The following RIN3 variants were observed in gnomAD, a reference collection of about 807,000 sequenced individuals.
The protein encoded by RIN3 is Ras and Rab interactor 3.
Under a neutral mutation model 76.3 loss-of-function variants are expected in RIN3, and 54 were observed. That is an observed-to-expected ratio of 0.71 (90% CI 0.57 to 0.89). The LOEUF (loss-of-function observed/expected upper bound fraction) is 0.89. Among genes scored for constraint, RIN3 ranks in the 40% least tolerant of loss-of-function variants. RIN3 has a pLI of 0.00. For missense variants in RIN3, 1,256 were observed against 1,322.1 expected (o/e 0.95, Z 0.78); for synonymous variants, 576 against 564.0 (o/e 1.02, Z -0.30).
chr14:92,635,315 T>A (rs1886735824), intron 4 of RIN3, among the ~76,000 whole-genome samples: 1 of 152,196 alleles, frequency 6.6e-6, no homozygotes, highest in Non-Finnish European at 1.5e-5. Context: ...CATGAGGACA[T>A]AATGAAGCTG....
In RIN3 at chr14:92,555,968, G is replaced by A. The variant is rs181769429; in HGVS notation, c.249+13G>A. 80 of 1,605,460 alleles carry A rather than the reference G, an allele frequency of 5.0e-5. 2 individuals carry two copies. In the East Asian group the frequency reaches 8.3e-4, roughly 17 times the overall value. ...GGTGGTGGCTGGGGTGAGTGGGGGC[G>A]TCTCCCACTTGGTAGGCACACACAC... On this transcript the variant is annotated intron_variant, in intron 2 of 9. Coordinates refer to ENST00000216487, the MANE Select transcript of RIN3 (RefSeq NM_024832.5).
chr14:92,684,522 A>G (rs1233977728), intron 8 of RIN3, among the ~76,000 whole-genome samples: 1 of 152,144 alleles, frequency 6.6e-6, no homozygotes, highest in African/African-American at 2.4e-5. Flanking sequence ...TTTCTACTGA[A>G]TGTGTATCAC....
At chr14:92,611,030 C>T (rs1885710720) in intron 3 of RIN3, among the ~76,000 whole-genome samples, 1 of 151,146 alleles carries the variant, frequency 6.6e-6, no homozygotes, top group South Asian at 2.1e-4. Flanking sequence ...CTGCAAATTA[C>T]ACAAACTAGG....
intron 1 of RIN3, among the ~76,000 whole-genome samples, chr14:92,545,996 G>T (rs1897255284): frequency 6.6e-6 from 1 of 151,664 alleles, no homozygotes; most frequent in African/African-American, 2.4e-5. Flanking sequence ...CATGATCTCG[G>T]CTCACTGCAA....
At chr14:92,553,909 G>T (rs1219298495) in intron 1 of RIN3, among the ~76,000 whole-genome samples, 2 of 152,182 alleles carry the variant, frequency 1.3e-5, no homozygotes, top group East Asian at 3.9e-4. Context: ...CCTGCCTTCA[G>T]GGGTGGTTCC....
At chr14:92,599,116 C>T (rs1051971097) in intron 3 of RIN3, among the ~76,000 whole-genome samples, 7 of 152,156 alleles carry the variant, frequency 4.6e-5, no homozygotes, top group African/African-American at 1.7e-4. Context: ...TGGAGCCACT[C>T]GCAGGGCAAT....
intron 4 of RIN3, among the ~76,000 whole-genome samples, chr14:92,626,294 G>A (rs769935928): frequency 2.0e-5 from 3 of 152,204 alleles, no homozygotes; most frequent in Non-Finnish European, 2.9e-5. Flanking sequence ...TAGCAGCCCT[G>A]TGAATCATCC....
At chr14:92,566,242 T>C (rs1308253822) in intron 2 of RIN3, among the ~76,000 whole-genome samples, 1 of 152,188 alleles carries the variant, frequency 6.6e-6, no homozygotes, top group Non-Finnish European at 1.5e-5. Flanking sequence ...CCCTCACTAC[T>C]CCACCTGGGC....
intron 3 of RIN3, among the ~76,000 whole-genome samples, chr14:92,583,383 ACT>A (rs1282336223): frequency 6.6e-6 from 1 of 151,832 alleles, no homozygotes; most frequent in Non-Finnish European, 1.5e-5. Context: ...TTTCCTTGAA[ACT>A]CTCTGAAGCA....
chr14:92,561,408 A>G (rs2140041881), intron 2 of RIN3, among the ~76,000 whole-genome samples: 1 of 151,606 alleles, frequency 6.6e-6, no homozygotes, highest in South Asian at 2.1e-4. Context: ...AGGTTTTGGG[A>G]ACATATTGGC....
At chr14:92,587,695 C>T (rs1462598209) in intron 3 of RIN3, among the ~76,000 whole-genome samples, 1 of 150,704 alleles carries the variant, frequency 6.6e-6, no homozygotes, top group Non-Finnish European at 1.5e-5. Flanking sequence ...AACCACTGCA[C>T]AGACACCCCT....
intron 4 of RIN3, among the ~76,000 whole-genome samples, chr14:92,625,074 A>G (rs958089257): frequency 6.6e-6 from 1 of 152,232 alleles, no homozygotes; most frequent in Non-Finnish European, 1.5e-5. Flanking sequence ...AAGATAAGGT[A>G]GAAGACAGAC....
chr14:92,535,675 T>C (rs1445718193), intron 1 of RIN3, among the ~76,000 whole-genome samples: 5 of 75,826 alleles, frequency 6.6e-5, no homozygotes, highest in Admixed American at 3.1e-4. Context: ...CAGACTTTTT[T>C]TTTTTTTTTT....
chr14:92,640,103 G>A (rs1191454099), intron 4 of RIN3, among the ~76,000 whole-genome samples: 9 of 140,026 alleles, frequency 6.4e-5, no homozygotes, highest in South Asian at 2.4e-4. Flanking sequence ...TGTGTTCGTC[G>A]AGGGCTGCCT....
At chr14:92,547,806 C>T (rs1180707870) in intron 1 of RIN3, among the ~76,000 whole-genome samples, 3 of 152,112 alleles carry the variant, frequency 2.0e-5, no homozygotes, top group Admixed American at 6.5e-5. Flanking sequence ...CTGGTTCAAG[C>T]GTTTCTCCTG....
chr14:92,542,649 C>A (rs1234473352), intron 1 of RIN3, among the ~76,000 whole-genome samples: 1 of 152,150 alleles, frequency 6.6e-6, no homozygotes, highest in African/African-American at 2.4e-5. Context: ...GTAATATCCC[C>A]AAATTGGAAA....
chr14:92,518,683 A>G (rs1896510214), intron 1 of RIN3, among the ~76,000 whole-genome samples: 1 of 152,154 alleles, frequency 6.6e-6, no homozygotes, highest in Non-Finnish European at 1.5e-5. Context: ...CTCAGCCGGA[A>G]GAATGGAGAA....
chr14:92,636,661 A>G (rs867715470), intron 4 of RIN3, among the ~76,000 whole-genome samples: 1 of 152,236 alleles, frequency 6.6e-6, no homozygotes, highest in African/African-American at 2.4e-5. Context: ...GTATACATGT[A>G]TGGACTTGCT....
chr14:92,626,350 C>G (rs572084497), intron 4 of RIN3, among the ~76,000 whole-genome samples: 1 of 152,170 alleles, frequency 6.6e-6, no homozygotes, highest in Non-Finnish European at 1.5e-5. Context: ...GACATTAATT[C>G]GACCCAGGTA....
Sources: allele counts gnomAD v4.1 joint callset (sites outside exome capture counted in the v4.1 genomes callset), GRCh38; gene constraint gnomAD v4.1.1; transcripts MANE v1.5; gene names NCBI Gene and HGNC (gene_info 2026-07-23, HGNC 2026-07-21).